Variants in HNRNPC observed in about 807,000 individuals in gnomAD.
The protein encoded by HNRNPC is heterogeneous nuclear ribonucleoproteins C1/C2.
In HNRNPC, 3 loss-of-function variants were observed where a neutral mutation model predicts 33.2. That is an observed-to-expected ratio of 0.09 (90% confidence interval 0.04 to 0.23). HNRNPC has a LOEUF of 0.23. Ranked by LOEUF, HNRNPC falls within the 10% of genes least tolerant of loss-of-function variation. The pLI, the probability that HNRNPC is intolerant of heterozygous loss-of-function variation, is 1.00. For missense variants in HNRNPC, 143 were observed against 366.7 expected, an observed-to-expected ratio of 0.39 and a Z score of 4.98; for synonymous variants, 121 against 126.7, an observed-to-expected ratio of 0.96 and a Z score of 0.30.
chr14:21,249,419 AC>A lies in HNRNPC; in HGVS notation c.-37+13891del, dbSNP rs770897831. Among the ~76,000 whole-genome samples, 768 of 135,076 alleles carry A rather than the reference AC, an allele frequency of 5.7e-3. 6 individuals carry two copies. Among genetic ancestry groups the A allele is most frequent in the African/African-American group, 0.022 (707 of 32,390 alleles). 88.6% of individuals were successfully genotyped at this position (135,076 alleles called of 152,430 possible). A position where few individuals can be genotyped will look rare whatever the true frequency, so the allele number is the denominator to read the frequency against. ...GTGAAACCCTATCTCTACTAAAAAT[AC>A]AAAAAAAAAAAAAAAAATTAGCCAG... On this transcript the variant is annotated intron_variant, in intron 2 of 8. Coordinates refer to ENST00000553300, the MANE Select transcript of HNRNPC (RefSeq NM_004500.4).
intron 5 of HNRNPC, among the ~76,000 whole-genome samples, chr14:21,218,094 C>T (rs1892392568): frequency 6.6e-6 from 1 of 152,022 alleles, no homozygotes; most frequent in African/African-American, 2.4e-5. Flanking sequence ...TCCCAAGTAG[C>T]GTGGATTACA....
intron 1 of HNRNPC, 72 bp from the exon 2 acceptor site, chr14:21,263,408 G>A (rs1417361807): frequency 6.6e-6 from 1 of 152,404 alleles, no homozygotes; most frequent in Non-Finnish European, 1.5e-5. Flanking sequence ...AGTCAGTAAA[G>A]TTCATTTCTT....
chr14:21,251,613 T>C (rs899566341), intron 2 of HNRNPC, among the ~76,000 whole-genome samples: 7 of 151,062 alleles, frequency 4.6e-5, no homozygotes, highest in African/African-American at 9.8e-5. Context: ...ACCCGGGAAG[T>C]GGAGGTTGCA....
chr14:21,230,454 C>G, intron 4 of HNRNPC, 88 bp from the exon 5 acceptor site: 1 of 879,142 alleles, frequency 1.1e-6, no homozygotes, highest in Non-Finnish European at 1.9e-6. Context: ...GCCAAATAAA[C>G]CACAACAAAT....
At chr14:21,233,230 T>A (rs1894312079) in intron 3 of HNRNPC, among the ~76,000 whole-genome samples, 1 of 152,186 alleles carries the variant, frequency 6.6e-6, no homozygotes, top group African/African-American at 2.4e-5. Flanking sequence ...AGACCCAAAT[T>A]ATGTATCTGG....
intron 1 of HNRNPC, chr14:21,263,737 G>A (rs1346444082): frequency 6.6e-6 from 1 of 152,052 alleles, no homozygotes; most frequent in Non-Finnish European, 1.5e-5. Context: ...ATCAGTTTTG[G>A]AATGGAATGT....
At chr14:21,218,418 G>A (rs555030589) in intron 5 of HNRNPC, among the ~76,000 whole-genome samples, 100 of 152,216 alleles carry the variant, frequency 6.6e-4, no homozygotes, top group African/African-American at 2.3e-3. Context: ...GGGCATGGTA[G>A]CCCATGCCTG....
chr14:21,266,334 C>G (rs1001401149), intron 1 of HNRNPC, among the ~76,000 whole-genome samples: 1 of 151,874 alleles, frequency 6.6e-6, no homozygotes, highest in Admixed American at 6.6e-5. Flanking sequence ...CTCCTGACCT[C>G]GTGATCCACC....
chr14:21,266,471 T>C (rs185421796), intron 1 of HNRNPC, among the ~76,000 whole-genome samples: 1 of 151,972 alleles, frequency 6.6e-6, no homozygotes, highest in African/African-American at 2.4e-5. Flanking sequence ...GAGCACCAAA[T>C]AATGTTTTCC....
intron 6 of HNRNPC, 71 bp from the exon 7 acceptor site, chr14:21,211,994 C>G (rs1174375321): frequency 8.4e-7 from 1 of 1,184,452 alleles, no homozygotes; most frequent in East Asian, 2.3e-5. Flanking sequence ...TACACTGCCA[C>G]CAGACTACAT....
intron 2 of HNRNPC, chr14:21,254,662 T>G (rs1415232531): frequency 6.6e-6 from 1 of 152,118 alleles, no homozygotes; most frequent in Non-Finnish European, 1.5e-5. Flanking sequence ...TCCCAGCACT[T>G]TGGGAGGCCG....
At chr14:21,212,637 G>T (rs1267817553) in intron 6 of HNRNPC, among the ~76,000 whole-genome samples, 1 of 151,700 alleles carries the variant, frequency 6.6e-6, no homozygotes, top group Non-Finnish European at 1.5e-5. Context: ...CCGCCTCCTG[G>T]GTAAAAGCGA....
intron 5 of HNRNPC, among the ~76,000 whole-genome samples, chr14:21,215,898 TAA>T (rs3064165): frequency 4.1e-5 from 4 of 98,558 alleles, no homozygotes; most frequent in African/African-American, 4.0e-5. Flanking sequence ...GACTCCGTCT[TAA>T]AAAAAAAAAA....
chr14:21,222,733 AT>A (rs1296074489), intron 5 of HNRNPC, among the ~76,000 whole-genome samples: 22 of 152,192 alleles, frequency 1.4e-4, no homozygotes, highest in African/African-American at 5.1e-4. Context: ...TCTACTAAAA[AT>A]AACAAAAAAA....
At chr14:21,248,121 T>C (rs955468215) in intron 2 of HNRNPC, among the ~76,000 whole-genome samples, 16 of 152,160 alleles carry the variant, frequency 1.1e-4, no homozygotes, top group Non-Finnish European at 2.4e-4. Context: ...GGAGATTGCT[T>C]GAGCCCAGGA....
chr14:21,239,514 G>A lies in HNRNPC; in HGVS notation c.-36-5285C>T, dbSNP rs539921677. ...TGTCCTCAACAAATGAGAACCTTAG[G>A]TGCTATTTCTTTCTTAAACTCAACA... is the stretch of plus-strand genomic sequence containing the variant. On this transcript the variant is annotated intron_variant, in intron 2 of 8. Coordinates refer to ENST00000553300, the MANE Select transcript of HNRNPC (RefSeq NM_004500.4). Among the ~76,000 whole-genome samples, 9 of 151,824 alleles carry A rather than the reference G, an allele frequency of 5.9e-5. No individual in the cohort carries two copies. The South Asian group carries it at 1.9e-3, about 32-fold the overall frequency.
intron 5 of HNRNPC, among the ~76,000 whole-genome samples, chr14:21,230,047 C>T (rs34777963): frequency 0.011 from 1,740 of 152,240 alleles, 20 homozygotes; most frequent in Middle Eastern, 0.017. Context: ...CACCCATAAC[C>T]CAGTCCCTAG....
rs145251668 is a variant in HNRNPC, at chr14:21,225,661, G to A, written c.365+4658C>T. 2.5e-4 allele frequency among the ~76,000 whole-genome samples: 38 copies of A among 152,166 alleles called. 1 individual carries two copies. Among genetic ancestry groups the A allele is most frequent in the African/African-American group, 8.9e-4 (37 of 41,488 alleles). ...GTATCCTGATGTAGGTAGGGTCCAC[G>A]AGATATGACAAAAAAGAATGACTGT... On this transcript the variant is annotated intron_variant, in intron 5 of 8. Coordinates refer to ENST00000553300, the MANE Select transcript of HNRNPC (RefSeq NM_004500.4).
chr14:21,243,391 G>A (rs911866774), intron 2 of HNRNPC, among the ~76,000 whole-genome samples: 12 of 152,138 alleles, frequency 7.9e-5, no homozygotes, highest in Admixed American at 3.3e-4. Flanking sequence ...GTTGCTATCC[G>A]AAGAGTGGGG....
Sources: gnomAD v4.1 joint callset for allele counts (sites outside exome capture counted in the v4.1 genomes callset) on GRCh38, gnomAD v4.1.1 for gene constraint, MANE v1.5 for transcripts, NCBI Gene and HGNC (gene_info 2026-07-23, HGNC 2026-07-21) for gene names.